PDE7A: variants seen among roughly 807,000 people sequenced by gnomAD.
PDE7A encodes high affinity 3',5'-cyclic-AMP phosphodiesterase 7A.
In PDE7A, 39 loss-of-function variants were observed where a neutral mutation model predicts 64.3. The ratio of observed to expected loss-of-function variants is 0.61; its 90% CI spans 0.47 to 0.79. The LOEUF (loss-of-function observed/expected upper bound fraction) is 0.79. Ranked by LOEUF, PDE7A falls within the 30% of genes least tolerant of loss-of-function variation. The probability of loss-of-function intolerance (pLI) is 0.00; values close to 1 mark genes in which losing one functional copy is unlikely to be tolerated. For synonymous variants in PDE7A, 203 were observed against 206.8 expected (o/e 0.98, Z 0.16); for missense variants, 470 against 582.8 (o/e 0.81, Z 1.99).
At chr8:65,765,877 AAAT>A (rs1393566114) in intron 3 of PDE7A, among the ~76,000 whole-genome samples, 1 of 152,262 alleles carries the variant, frequency 6.6e-6, no homozygotes, top group Non-Finnish European at 1.5e-5. Flanking sequence ...TATACGTTAA[AAAT>A]AATGTGTAAC....
intron 1 of PDE7A, among the ~76,000 whole-genome samples, chr8:65,834,212 G>C (rs1433564065): frequency 2.0e-5 from 3 of 152,122 alleles, no homozygotes; most frequent in Non-Finnish European, 4.4e-5. Context: ...TCAACATGAA[G>C]ATGATGAGGT....
chr8:65,822,444 G>A (rs1451594193), intron 1 of PDE7A, among the ~76,000 whole-genome samples: 1 of 152,218 alleles, frequency 6.6e-6, no homozygotes, highest in Non-Finnish European at 1.5e-5. Flanking sequence ...TGGACTCTCC[G>A]TAGGACTGGG....
chr8:65,809,475 C>A (rs909413116), intron 1 of PDE7A, among the ~76,000 whole-genome samples: 5 of 152,160 alleles, frequency 3.3e-5, no homozygotes, highest in Non-Finnish European at 7.4e-5. Flanking sequence ...AGCATTACCA[C>A]AACATGACAC....
intron 3 of PDE7A, among the ~76,000 whole-genome samples, chr8:65,771,529 C>T (rs868407756): frequency 2.0e-4 from 31 of 152,202 alleles, no homozygotes; most frequent in Admixed American, 8.5e-4. Flanking sequence ...TTTAAAAAGA[C>T]CTGACCCTGG....
chr8:65,820,693 G>A (rs1217156190), intron 1 of PDE7A, among the ~76,000 whole-genome samples: 3 of 151,238 alleles, frequency 2.0e-5, no homozygotes, highest in Non-Finnish European at 4.4e-5. Context: ...GGGTTCAAGC[G>A]ATCCTCGTGC....
intron 3 of PDE7A, among the ~76,000 whole-genome samples, chr8:65,768,666 G>C (rs1563498564): frequency 6.6e-6 from 1 of 152,032 alleles, no homozygotes; most frequent in Non-Finnish European, 1.5e-5. Context: ...TCACAAAATA[G>C]AACATTTCCC....
At chr8:65,793,360 A>T (rs1809751626) in intron 1 of PDE7A, among the ~76,000 whole-genome samples, 1 of 152,218 alleles carries the variant, frequency 6.6e-6, no homozygotes, top group African/African-American at 2.4e-5. Flanking sequence ...TGAATTACAA[A>T]ATTAAAAAAA....
intron 5 of PDE7A, 24 bp from the exon 6 acceptor site, chr8:65,739,621 C>T (rs764399124): frequency 6.8e-7 from 1 of 1,480,266 alleles, no homozygotes; most frequent in African/African-American, 1.4e-5. Context: ...AGAGACATTA[C>T]ATTAGTAGGA....
chr8:65,779,058 C>T (rs1438169647), intron 3 of PDE7A, among the ~76,000 whole-genome samples: 2 of 152,224 alleles, frequency 1.3e-5, no homozygotes, highest in Non-Finnish European at 2.9e-5. Context: ...CTGGACTTAT[C>T]TCTCTGCCTC....
intron 12 of PDE7A, among the ~76,000 whole-genome samples, chr8:65,720,908 A>C (rs16932314): frequency 0.12 from 18,009 of 152,188 alleles, 2,005 homozygotes; most frequent in East Asian, 0.52. Context: ...GGAGTTATCT[A>C]CCCACATGGC....
At chr8:65,769,492 T>C (rs1369360775) in intron 3 of PDE7A, among the ~76,000 whole-genome samples, 1 of 152,200 alleles carries the variant, frequency 6.6e-6, no homozygotes, top group Non-Finnish European at 1.5e-5. Context: ...TCCCTCTATC[T>C]TGTGTAACCA....
intron 1 of PDE7A, among the ~76,000 whole-genome samples, chr8:65,791,098 G>A (rs1014425349): frequency 6.6e-6 from 1 of 152,184 alleles, no homozygotes; most frequent in African/African-American, 2.4e-5. Context: ...TTTGGAAAGC[G>A]AATACAAGAT....
chr8:65,839,959 C>T (rs991547300), intron 1 of PDE7A, among the ~76,000 whole-genome samples: 9 of 152,154 alleles, frequency 5.9e-5, no homozygotes, highest in Non-Finnish European at 1.2e-4. Flanking sequence ...AGTTGCTAGT[C>T]ATGTGCCTGC....
chr8:65,719,818 A>C (rs936393686), intron 12 of PDE7A: 1 of 314,004 alleles, frequency 3.2e-6, no homozygotes, highest in Non-Finnish European at 6.1e-6. Flanking sequence ...AACTCTGAGG[A>C]TACTCGGGCA....
In PDE7A at chr8:65,725,694, TGAATG is replaced by T. The variant is rs910774476; in HGVS notation, c.921-778_921-774del. ...AAATAGATAAAAAGACTCACAATATTGAATGTTAAAACAAACCCTAAATGAAGAAA... is the reference window on the plus strand; with the variant it reads ...AAATAGATAAAAAGACTCACAATATTTTAAAACAAACCCTAAATGAAGAAA... On this transcript the variant is annotated intron_variant, in intron 9 of 12. Coordinates refer to ENST00000401827, the MANE Select transcript of PDE7A (RefSeq NM_001242318.3). 336 of 152,254 alleles carry T rather than the reference TGAATG, an allele frequency of 2.2e-3. 1 individual carries two copies. The highest frequency in any genetic ancestry group is 7.8e-3 in the African/African-American group (323 of 41,566). 9.4% of individuals were successfully genotyped at this position (152,254 alleles called of 1,614,324 possible). A position where few individuals can be genotyped will look rare whatever the true frequency, so the allele number is the denominator to read the frequency against.
At chr8:65,772,385 G>A (rs1472216779) in intron 3 of PDE7A, among the ~76,000 whole-genome samples, 1 of 152,134 alleles carries the variant, frequency 6.6e-6, no homozygotes, top group Non-Finnish European at 1.5e-5. Flanking sequence ...CAAAGCTTCA[G>A]TACCTCTGAA....
At chr8:65,807,459 A>T (rs1483593077) in intron 1 of PDE7A, among the ~76,000 whole-genome samples, 1 of 152,220 alleles carries the variant, frequency 6.6e-6, no homozygotes, top group Non-Finnish European at 1.5e-5. Flanking sequence ...TATGTAGATA[A>T]TCATATCATC....
intron 3 of PDE7A, among the ~76,000 whole-genome samples, chr8:65,766,261 CA>C (rs1360264031): frequency 6.6e-6 from 1 of 152,020 alleles, no homozygotes; most frequent in Non-Finnish European, 1.5e-5. Context: ...GAATTTTTGA[CA>C]AAAAAATCAA....
chr8:65,780,591 G>A lies in PDE7A; in HGVS notation c.200-788C>T, dbSNP rs13264224. Among the ~76,000 whole-genome samples the A allele has an allele frequency of 6.2e-3, 938 of 151,748 alleles. 9 individuals carry two copies. Among genetic ancestry groups the A allele is most frequent in the Non-Finnish European group, 0.01 (713 of 67,948 alleles). ...CATTATTTTATTTTCTTCTCTCATC[G>A]ACCCTCAGAGATAGGAATCTTAATC... On this transcript the variant is annotated intron_variant, in intron 2 of 12. Transcript: ENST00000401827.
Sources: allele counts gnomAD v4.1 joint callset (sites outside exome capture counted in the v4.1 genomes callset), GRCh38; gene constraint gnomAD v4.1.1; transcripts MANE v1.5; gene names NCBI Gene and HGNC (gene_info 2026-07-23, HGNC 2026-07-21).